The following DCC variants were observed in gnomAD, a reference collection of about 807,000 sequenced individuals.
DCC encodes the protein DCC netrin 1 receptor, also known as netrin receptor DCC.
A neutral mutation model predicts 172.5 loss-of-function variants in DCC; 58 were observed. That is an observed-to-expected ratio of 0.34 (90% CI 0.27 to 0.42). DCC has a LOEUF of 0.42. Ranked by LOEUF, DCC falls within the 10% of genes least tolerant of loss-of-function variation. The pLI, the probability that DCC is intolerant of heterozygous loss-of-function variation, is 1.00. For synonymous variants in DCC, 709 were observed against 644.5 expected, an observed-to-expected ratio of 1.10 and a Z score of -1.52; for missense variants, 1,740 against 1,791.0, an observed-to-expected ratio of 0.97 and a Z score of 0.51.
intron 12 of DCC, among the ~76,000 whole-genome samples, chr18:53,249,243 T>C (rs1198916355): frequency 2.6e-5 from 4 of 152,002 alleles, no homozygotes; most frequent in African/African-American, 4.8e-5. Flanking sequence ...TAAAAGTATG[T>C]GTTTTTTTTA....
intron 7 of DCC, among the ~76,000 whole-genome samples, chr18:53,140,983 A>G (rs1187006403): frequency 6.6e-6 from 1 of 152,192 alleles, no homozygotes; most frequent in Non-Finnish European, 1.5e-5. Flanking sequence ...TAATGGCACA[A>G]GAAGTTCCTC....
At chr18:53,499,811 T>C (rs961601721) in intron 27 of DCC, among the ~76,000 whole-genome samples, 1 of 152,184 alleles carries the variant, frequency 6.6e-6, no homozygotes, top group Admixed American at 6.5e-5. Context: ...CTGGAAACAT[T>C]CCTGATTCCC....
intron 1 of DCC, among the ~76,000 whole-genome samples, chr18:52,684,168 G>T (rs8090976): frequency 0.46 from 70,056 of 151,864 alleles, 16,304 homozygotes; most frequent in Non-Finnish European, 0.51. Flanking sequence ...TTGGACATGT[G>T]GGTTTATTCA....
chr18:53,158,198 A>C (rs1258101481), intron 8 of DCC, among the ~76,000 whole-genome samples: 1 of 152,224 alleles, frequency 6.6e-6, no homozygotes, highest in Non-Finnish European at 1.5e-5. Context: ...GCTAGCATTA[A>C]ATTAAGTTGC....
At chr18:52,510,930 A>AT (rs1355812371) in intron 1 of DCC, among the ~76,000 whole-genome samples, 2 of 152,204 alleles carry the variant, frequency 1.3e-5, no homozygotes, top group Admixed American at 6.5e-5. Flanking sequence ...GGTGAAAAAA[A>AT]GCTAGAAGAG....
intron 7 of DCC, among the ~76,000 whole-genome samples, chr18:53,076,322 C>G (rs1026614102): frequency 6.6e-5 from 10 of 152,120 alleles, no homozygotes; most frequent in African/African-American, 2.4e-4. Context: ...CAGTTTCATA[C>G]CTACTTTAAT....
chr18:52,586,395 A>T (rs1223070599), intron 1 of DCC, among the ~76,000 whole-genome samples: 1 of 152,104 alleles, frequency 6.6e-6, no homozygotes, highest in Non-Finnish European at 1.5e-5. Flanking sequence ...TCCCTTGTAG[A>T]GTAGTAGACT....
chr18:52,844,051 G>A (rs2038847355), intron 2 of DCC, among the ~76,000 whole-genome samples: 1 of 152,126 alleles, frequency 6.6e-6, no homozygotes. Flanking sequence ...CCCTAGGCAA[G>A]AGAATTGATC....
At chr18:52,895,354 G>C (rs2145428505) in intron 2 of DCC, among the ~76,000 whole-genome samples, 1 of 152,192 alleles carries the variant, frequency 6.6e-6, no homozygotes, top group South Asian at 2.1e-4. Context: ...CCAATCTCAG[G>C]TTTTTGTATT....
At chr18:52,803,473 C>T (rs530081434) in intron 2 of DCC, among the ~76,000 whole-genome samples, 27 of 152,214 alleles carry the variant, frequency 1.8e-4, no homozygotes, top group South Asian at 1.0e-3. Flanking sequence ...CTACTGTGAA[C>T]GGTGCCATGT....
chr18:52,925,994 CAT>C (rs1227572479), intron 5 of DCC, among the ~76,000 whole-genome samples: 2 of 151,864 alleles, frequency 1.3e-5, no homozygotes, highest in Admixed American at 1.3e-4. Flanking sequence ...CAAACAAACA[CAT>C]ATTTTTATCA....
intron 1 of DCC, among the ~76,000 whole-genome samples, chr18:52,624,172 G>C (rs534458022): frequency 3.9e-4 from 59 of 152,158 alleles, no homozygotes; most frequent in Non-Finnish European, 2.9e-5. Flanking sequence ...CATTAACCAA[G>C]TGCATCCTCA....
chr18:52,968,109 T>C (rs72926170), intron 5 of DCC, among the ~76,000 whole-genome samples: 3,253 of 152,272 alleles, frequency 0.021, 61 homozygotes, highest in Admixed American at 0.039. Flanking sequence ...AGAATTAGAA[T>C]AGATTTTGGT....
In DCC at chr18:53,066,175, A is replaced by G. The variant is rs780409043; in HGVS notation, c.1261+9A>G. 3.1e-6 allele frequency: 5 copies of G among 1,612,260 alleles called. No individual in the cohort carries two copies. In the Admixed American group the frequency reaches 5.0e-5, roughly 16 times the overall value. On this transcript the variant is annotated intron_variant, in intron 7 of 28. Transcript: ENST00000442544. ...CATTGTCCCTAAGCCTGGTAAGACAATGGGAACCTTGCTTTGGTACCTGGA... is the reference window on the plus strand; with the variant it reads ...CATTGTCCCTAAGCCTGGTAAGACAGTGGGAACCTTGCTTTGGTACCTGGA...
At chr18:53,373,791 T>A (rs1306065418) in intron 15 of DCC, among the ~76,000 whole-genome samples, 6 of 152,172 alleles carry the variant, frequency 3.9e-5, no homozygotes, top group Non-Finnish European at 1.5e-5. Flanking sequence ...TGAGGCAATC[T>A]TATTGCCATT....
At chr18:52,786,507 TTTAACC>T (rs1173271256) in intron 2 of DCC, among the ~76,000 whole-genome samples, 1 of 152,140 alleles carries the variant, frequency 6.6e-6, no homozygotes. Context: ...TAGAAAAAAC[TTTAACC>T]TTATACTTGG....
At chr18:53,422,577 A>G (rs1037085931) in intron 21 of DCC, among the ~76,000 whole-genome samples, 1 of 152,148 alleles carries the variant, frequency 6.6e-6, no homozygotes, top group Non-Finnish European at 1.5e-5. Flanking sequence ...TCTTTCCTTA[A>G]TAGGGTATTC....
At chr18:52,833,416 G>A (rs1361591976) in intron 2 of DCC, among the ~76,000 whole-genome samples, 2 of 152,086 alleles carry the variant, frequency 1.3e-5, no homozygotes, top group Non-Finnish European at 2.9e-5. Flanking sequence ...ACTGGGATGA[G>A]GCAATTACAA....
At chr18:52,737,451 G>A (rs1310027034) in intron 1 of DCC, among the ~76,000 whole-genome samples, 1 of 152,170 alleles carries the variant, frequency 6.6e-6, no homozygotes, top group Non-Finnish European at 1.5e-5. Flanking sequence ...TCTTAAATAT[G>A]TTTTTCATGG....
Sources: gnomAD v4.1 joint callset for allele counts (sites outside exome capture counted in the v4.1 genomes callset) on GRCh38, gnomAD v4.1.1 for gene constraint, MANE v1.5 for transcripts, NCBI Gene and HGNC (gene_info 2026-07-23, HGNC 2026-07-21) for gene names.